The following UGT1A7 variants were observed in gnomAD, a reference collection of about 807,000 sequenced individuals.
UGT1A7 encodes UDP glucuronosyltransferase family 1 member A7, also known as UDP-glucuronosyltransferase 1A7.
In UGT1A7, 33 loss-of-function variants were observed where a neutral mutation model predicts 45.6. That is an observed-to-expected ratio of 0.72 (90% CI 0.55 to 0.97). The LOEUF is 0.97. UGT1A7 is among the 50% of genes least tolerant of loss of function. The pLI, the probability that UGT1A7 is intolerant of heterozygous loss-of-function variation, is 0.00. For missense variants in UGT1A7, 684 were observed against 666.2 expected (o/e 1.03, Z -0.29); for synonymous variants, 274 against 250.6 (o/e 1.09, Z -0.88).
chr2:233,719,883 T>C (rs871514), intron 1 of UGT1A7, among the ~76,000 whole-genome samples: 81,602 of 151,974 alleles, frequency 0.54, 23,564 homozygotes, highest in African/African-American at 0.76. Context: ...GAGGCACGGA[T>C]GAGGGTCTGT....
chr2:233,683,038 T>A (rs1300637615), intron 1 of UGT1A7, among the ~76,000 whole-genome samples: 1 of 152,184 alleles, frequency 6.6e-6, no homozygotes, highest in Non-Finnish European at 1.5e-5. Context: ...CTAAATGCTA[T>A]TTTTGGAAAA....
At chr2:233,771,027 G>A (rs186703216) in intron 4 of UGT1A7, 2 of 152,078 alleles carry the variant, frequency 1.3e-5, no homozygotes, top group Admixed American at 6.6e-5. Context: ...GAGAGAGTTG[G>A]GGGGGAAGGT....
At chr2:233,766,650 A>G (rs1364133681) in intron 1 of UGT1A7, among the ~76,000 whole-genome samples, 3 of 152,158 alleles carry the variant, frequency 2.0e-5, no homozygotes, top group African/African-American at 7.2e-5. Context: ...TATCATTTAA[A>G]GGGACCACGC....
intron 1 of UGT1A7, among the ~76,000 whole-genome samples, chr2:233,720,704 C>CTT (rs796417980): frequency 5.7e-5 from 8 of 139,174 alleles, no homozygotes; most frequent in Non-Finnish European, 9.4e-5. Context: ...GGGAGCCATC[C>CTT]TTTTTTTTTT....
chr2:233,694,649 T>G (rs1417184018), intron 1 of UGT1A7, among the ~76,000 whole-genome samples: 3 of 152,220 alleles, frequency 2.0e-5, no homozygotes, highest in African/African-American at 7.2e-5. Context: ...TTCCAGTTCC[T>G]TTTTTATCAG....
chr2:233,760,476 C>G (rs191471887), intron 1 of UGT1A7: 1 of 1,614,200 alleles, frequency 6.2e-7, no homozygotes, highest in Non-Finnish European at 8.5e-7. Context: ...TAGCACCTGA[C>G]GCCTCGTTGT....
chr2:233,698,490 C>A (rs2075443801), intron 1 of UGT1A7, among the ~76,000 whole-genome samples: 1 of 152,106 alleles, frequency 6.6e-6, no homozygotes. Flanking sequence ...AAAATGCAGT[C>A]CTCATTAGGC....
intron 1 of UGT1A7, among the ~76,000 whole-genome samples, chr2:233,757,535 A>AATATATATACATATATATATATATATAT (rs376887521): frequency 7.9e-5 from 7 of 88,294 alleles, no homozygotes; most frequent in Non-Finnish European, 1.1e-4. Context: ...GCCTGTAAGG[A>AATATATATACATATATATATATATATAT]ATATATATAT....
At position 233,734,691 on chromosome 2, in the gene UGT1A7, CCCAGAGA is replaced by C. The variant is rs551995171; in HGVS notation, c.856-32342_856-32336del. On this transcript the variant is annotated intron_variant, in intron 1 of 4. Coordinates refer to ENST00000373426, the MANE Select transcript of UGT1A7 (RefSeq NM_019077.3). ...CCTCTACACACTGATTTAAATGTGT[CCCAGAGA>C]TTCTGGTATGTTGTGTCTTTGTTCT... Among the ~76,000 whole-genome samples, 1,501 of 152,268 alleles carry C rather than the reference CCCAGAGA, an allele frequency of 9.9e-3. 21 individuals carry two copies. The highest frequency in any genetic ancestry group is 0.034 in the African/African-American group (1,432 of 41,544).
At chr2:233,693,566 C>T in intron 1 of UGT1A7, 1 of 1,614,202 alleles carries the variant, frequency 6.2e-7, no homozygotes, top group South Asian at 1.1e-5. Context: ...AAGCCCAGAC[C>T]CTGTGTCCTA....
At chr2:233,754,553 C>G (rs139007444) in intron 1 of UGT1A7, 1 of 387,854 alleles carries the variant, frequency 2.6e-6, no homozygotes, top group Non-Finnish European at 5.1e-6. Context: ...TACTTGGTGT[C>G]AATGGGGAGC....
chr2:233,760,773 G>A, intron 1 of UGT1A7: 1 of 1,613,944 alleles, frequency 6.2e-7, no homozygotes, highest in Non-Finnish European at 8.5e-7. Flanking sequence ...TCGTGGCCCA[G>A]TACCTGTCTC....
intron 1 of UGT1A7, among the ~76,000 whole-genome samples, chr2:233,684,204 A>G (rs2125528312): frequency 6.6e-6 from 1 of 152,256 alleles, no homozygotes; most frequent in African/African-American, 2.4e-5. Flanking sequence ...TGTTCAACCA[A>G]CTCATGGGAA....
intron 1 of UGT1A7, chr2:233,744,072 T>C (rs1692686314): frequency 2.1e-6 from 1 of 476,432 alleles, no homozygotes; most frequent in South Asian, 2.0e-5. Context: ...TATGAGCGCC[T>C]CGCATCCCAA....
At chr2:233,754,510 C>T in intron 1 of UGT1A7, 1 of 361,188 alleles carries the variant, frequency 2.8e-6, no homozygotes. Flanking sequence ...GCTATTCCTC[C>T]AGATGTGCTT....
chr2:233,711,913 T>C (rs1304030043), intron 1 of UGT1A7, among the ~76,000 whole-genome samples: 1 of 152,170 alleles, frequency 6.6e-6, no homozygotes, highest in Non-Finnish European at 1.5e-5. Context: ...CCATTGTGAG[T>C]GCTCAGGGTC....
At chr2:233,746,459 A>G (rs1222925950) in intron 1 of UGT1A7, among the ~76,000 whole-genome samples, 1 of 151,694 alleles carries the variant, frequency 6.6e-6, no homozygotes, top group African/African-American at 2.4e-5. Flanking sequence ...GTACCTTCAA[A>G]AGGGTTCCAG....
chr2:233,753,691 A>T (rs900061019), intron 1 of UGT1A7: 1 of 152,228 alleles, frequency 6.6e-6, no homozygotes, highest in African/African-American at 2.4e-5. Context: ...ACAATATTAC[A>T]GATGCACTTG....
intron 1 of UGT1A7, chr2:233,756,060 G>T (rs1357944453): frequency 6.6e-6 from 1 of 152,200 alleles, no homozygotes; most frequent in African/African-American, 2.4e-5. Flanking sequence ...CTGTACACTT[G>T]TGGGAGAATG....
Sources: allele counts gnomAD v4.1 joint callset (sites outside exome capture counted in the v4.1 genomes callset), GRCh38; gene constraint gnomAD v4.1.1; transcripts MANE v1.5; gene names NCBI Gene and HGNC (gene_info 2026-07-23, HGNC 2026-07-21).